RPS6KC1: variants seen among roughly 807,000 people sequenced by gnomAD.
The protein encoded by RPS6KC1 is inactive ribosomal protein S6 kinase delta-1.
Under a neutral mutation model 103.8 loss-of-function variants are expected in RPS6KC1, and 54 were observed. The observed-to-expected ratio is 0.52, with a 90% CI of 0.42 to 0.65. The LOEUF (loss-of-function observed/expected upper bound fraction) is 0.65, where lower values mean the gene tolerates loss of function less well. Among genes scored for constraint, RPS6KC1 ranks in the 30% least tolerant of loss-of-function variants. The pLI is 0.00. For synonymous variants in RPS6KC1, 439 were observed against 438.7 expected (o/e 1.00, Z -0.01); for missense variants, 1,151 against 1,253.8 (o/e 0.92, Z 1.24).
chr1:213,204,300 C>T (rs1270384694), intron 8 of RPS6KC1, among the ~76,000 whole-genome samples: 1 of 152,174 alleles, frequency 6.6e-6, no homozygotes, highest in Non-Finnish European at 1.5e-5. Context: ...CACACTTTCC[C>T]ATCATACATC....
the RPS6KC1 span, among the ~76,000 whole-genome samples, chr1:213,369,742 G>A: frequency 6.6e-6 from 1 of 152,258 alleles, no homozygotes; most frequent in African/African-American, 2.4e-5. Flanking sequence ...CAGCTGGTGT[G>A]GCCAGCAGGA....
chr1:213,401,209 C>T, the RPS6KC1 span, among the ~76,000 whole-genome samples: 3 of 152,094 alleles, frequency 2.0e-5, no homozygotes, highest in South Asian at 2.1e-4. Flanking sequence ...ACAGAAGGCA[C>T]GTGCTGGGTA....
At chr1:213,208,540 TTTG>T (rs1158004471) in intron 8 of RPS6KC1, among the ~76,000 whole-genome samples, 1 of 152,198 alleles carries the variant, frequency 6.6e-6, no homozygotes, top group Non-Finnish European at 1.5e-5. Context: ...ATCTAGATGT[TTTG>T]TTGGGAGATC....
At chr1:213,662,428 AT>A in the RPS6KC1 span, among the ~76,000 whole-genome samples, 42,328 of 120,558 alleles carry the variant, frequency 0.35, 6,295 homozygotes, top group South Asian at 0.47. Flanking sequence ...CACCTGGCTA[AT>A]TTTTTTTTTT....
At chr1:213,125,626 TTGTGTGTGTGTGTGTGTG>T (rs5780709) in intron 5 of RPS6KC1, 7 of 145,816 alleles carry the variant, frequency 4.8e-5, no homozygotes, top group African/African-American at 1.0e-4. Context: ...TTTTATCTGC[TTGTGTGTGTGTGTGTGTG>T]TGTGTGTGTG....
chr1:213,160,368 A>G (rs1264516638), intron 6 of RPS6KC1, among the ~76,000 whole-genome samples: 1 of 152,202 alleles, frequency 6.6e-6, no homozygotes. Flanking sequence ...TATTTTCCTC[A>G]TGTTATTACA....
the RPS6KC1 span, among the ~76,000 whole-genome samples, chr1:213,862,084 G>A: frequency 6.6e-6 from 1 of 152,142 alleles, no homozygotes; most frequent in Non-Finnish European, 1.5e-5. Context: ...CATACCCGGG[G>A]CAGGCAGGCA....
chr1:213,210,540 T>C (rs1295447630), intron 8 of RPS6KC1, among the ~76,000 whole-genome samples: 9 of 152,232 alleles, frequency 5.9e-5, no homozygotes, highest in Non-Finnish European at 1.5e-5. Flanking sequence ...GAATACTTTG[T>C]TGCAGTCGAT....
At chr1:213,702,815 G>A in the RPS6KC1 span, among the ~76,000 whole-genome samples, 2 of 149,534 alleles carry the variant, frequency 1.3e-5, no homozygotes, top group African/African-American at 4.9e-5. Flanking sequence ...TAAAGGTGAA[G>A]TATGTTTCTT....
chr1:213,768,502 G>A, the RPS6KC1 span, among the ~76,000 whole-genome samples: 1 of 152,166 alleles, frequency 6.6e-6, no homozygotes, highest in African/African-American at 2.4e-5. Context: ...AAGAAAAGGA[G>A]GTATAGAAAT....
the RPS6KC1 span, among the ~76,000 whole-genome samples, chr1:213,543,053 A>G: frequency 3.9e-5 from 6 of 152,354 alleles, no homozygotes; most frequent in Middle Eastern, 0.01. Flanking sequence ...AGAAAGGGAC[A>G]GCAAATAAGC....
the RPS6KC1 span, among the ~76,000 whole-genome samples, chr1:213,717,232 CAGAA>C: frequency 6.6e-6 from 1 of 152,174 alleles, no homozygotes; most frequent in African/African-American, 2.4e-5. Flanking sequence ...TGCAAGGAAA[CAGAA>C]AGATAAATCG....
chr1:213,546,633 T>C, the RPS6KC1 span, among the ~76,000 whole-genome samples: 1 of 152,198 alleles, frequency 6.6e-6, no homozygotes, highest in East Asian at 1.9e-4. Context: ...ATTTTGGCAG[T>C]GTGCCCAGCT....
Position 213,241,287 on chromosome 1 carries a change from A to G in RPS6KC1, c.1811A>G (p.Asp604Gly), listed in dbSNP as rs753294293. Residue 604 changes from aspartate (D) to glycine (G), a missense_variant, in exon 11 of 15, where the codon GAC becomes GGC. Transcript: ENST00000366960. ...AGCCCCATGGAATTCTTTAGGATAG[A>G]CAGTAAGGATAGCGCAAGTGAACTC... ...KNSPMEFFRI[D>G]SKDSASELLG... 6.2e-7 allele frequency: 1 copy of G among 1,613,962 alleles called. No individual in the cohort carries two copies. Among genetic ancestry groups the G allele is most frequent in the Non-Finnish European group, 8.5e-7 (1 of 1,179,934 alleles).
chr1:213,410,872 A>T, the RPS6KC1 span, among the ~76,000 whole-genome samples: 1 of 152,074 alleles, frequency 6.6e-6, no homozygotes, highest in African/African-American at 2.4e-5. Context: ...AGAGACTGTG[A>T]TCAGAGCAGG....
At chr1:213,751,347 T>TTGGGAAGC in the RPS6KC1 span, among the ~76,000 whole-genome samples, 8 of 151,932 alleles carry the variant, frequency 5.3e-5, no homozygotes, top group South Asian at 2.1e-4. Context: ...TATCAGGAAG[T>TTGGGAAGC]TGGGAAGCTG....
chr1:213,193,625 G>GT (rs1289053813), intron 8 of RPS6KC1, among the ~76,000 whole-genome samples: 25 of 151,674 alleles, frequency 1.6e-4, no homozygotes, highest in Non-Finnish European at 3.2e-4. Context: ...GAGGTCTATA[G>GT]TTTTTTTTAG....
the RPS6KC1 span, among the ~76,000 whole-genome samples, chr1:213,640,609 C>G: frequency 6.6e-6 from 1 of 151,636 alleles, no homozygotes. Context: ...TTGTGTTTGC[C>G]TTTTCATGCA....
At chr1:213,415,241 C>T in the RPS6KC1 span, among the ~76,000 whole-genome samples, 17 of 152,332 alleles carry the variant, frequency 1.1e-4, no homozygotes, top group Non-Finnish European at 2.1e-4. Flanking sequence ...AAGCTGCTAT[C>T]GCAATTCATA....
Sources: gnomAD v4.1 joint callset for allele counts (sites outside exome capture counted in the v4.1 genomes callset) on GRCh38, gnomAD v4.1.1 for gene constraint, MANE v1.5 for transcripts, NCBI Gene and HGNC (gene_info 2026-07-23, HGNC 2026-07-21) for gene names.